PIP5K1B: variants seen among roughly 807,000 people sequenced by gnomAD.
PIP5K1B encodes phosphatidylinositol 4-phosphate 5-kinase type-1 beta.
PIP5K1B carries 42 observed loss-of-function variants against 67.0 expected under a neutral mutation model. That is an observed-to-expected ratio of 0.63 (90% CI 0.49 to 0.81). The LOEUF (loss-of-function observed/expected upper bound fraction) is 0.81. Ranked by LOEUF, PIP5K1B falls within the 30% of genes least tolerant of loss-of-function variation. The pLI is 0.00. For synonymous variants in PIP5K1B, 214 were observed against 231.4 expected (o/e 0.92, Z 0.68); for missense variants, 459 against 646.3 (o/e 0.71, Z 3.14).
chr9:68,878,695 G>T (rs995629737), intron 6 of PIP5K1B, among the ~76,000 whole-genome samples: 1 of 152,158 alleles, frequency 6.6e-6, no homozygotes, highest in Non-Finnish European at 1.5e-5. Context: ...ATACTAATTT[G>T]TCTATGTAGA....
At chr9:68,925,658 C>T (rs1361209503) in intron 12 of PIP5K1B, among the ~76,000 whole-genome samples, 1 of 152,028 alleles carries the variant, frequency 6.6e-6, no homozygotes. Context: ...ATTTGACTCT[C>T]TCAGTGGTAT....
chr9:68,811,036 C>G (rs1833135711), intron 2 of PIP5K1B, among the ~76,000 whole-genome samples: 1 of 152,170 alleles, frequency 6.6e-6, no homozygotes. Context: ...CCAGGAAAAT[C>G]ATCCCAAGTC....
chr9:68,940,001 T>C (rs778163256), intron 13 of PIP5K1B, among the ~76,000 whole-genome samples: 6 of 152,212 alleles, frequency 3.9e-5, no homozygotes, highest in Non-Finnish European at 5.9e-5. Flanking sequence ...CTCACAAGGA[T>C]GGGCTCTCGC....
intron 4 of PIP5K1B, among the ~76,000 whole-genome samples, chr9:68,830,268 T>C (rs1474651192): frequency 2.6e-5 from 4 of 152,158 alleles, no homozygotes; most frequent in Admixed American, 6.5e-5. Context: ...CACGTTACCA[T>C]GCACCCCCCG....
At chr9:68,925,729 A>G (rs1200922851) in intron 12 of PIP5K1B, among the ~76,000 whole-genome samples, 1 of 151,212 alleles carries the variant, frequency 6.6e-6, no homozygotes, top group Non-Finnish European at 1.5e-5. Flanking sequence ...TCTTTGGCCT[A>G]AAATAGACTA....
At chr9:68,948,301 C>T (rs1207831383) in intron 14 of PIP5K1B, among the ~76,000 whole-genome samples, 2 of 152,306 alleles carry the variant, frequency 1.3e-5, no homozygotes, top group East Asian at 1.9e-4. Context: ...AGTGGTGTCA[C>T]ATCTCTCTCC....
intron 2 of PIP5K1B, among the ~76,000 whole-genome samples, chr9:68,774,115 T>C (rs1358213401): frequency 6.6e-6 from 1 of 152,052 alleles, no homozygotes; most frequent in East Asian, 1.9e-4. Flanking sequence ...TAAAAGGCAA[T>C]AAAATGGGCT....
At chr9:68,834,248 G>A (rs1431242806) in intron 4 of PIP5K1B, among the ~76,000 whole-genome samples, 2 of 152,120 alleles carry the variant, frequency 1.3e-5, no homozygotes, top group East Asian at 1.9e-4. Flanking sequence ...ACCTAACTGC[G>A]GCCGCACTGA....
chr9:68,970,599 T>C (rs1347262390), intron 14 of PIP5K1B, among the ~76,000 whole-genome samples: 2 of 152,266 alleles, frequency 1.3e-5, no homozygotes, highest in African/African-American at 4.8e-5. Context: ...TCGTATTCCA[T>C]ACACGATGGT....
Position 68,705,587 on chromosome 9 carries a change from C to A in PIP5K1B, c.-418C>A, listed in dbSNP as rs1048860162. ...CGGCACCTGCCCGCCCTCAGCGTTG[C>A]CCCCGGCCCCGGCCCCGCCCGCCGC... On this transcript the variant is annotated 5_prime_UTR_variant, in exon 1 of 16. Coordinates refer to ENST00000265382, the MANE Select transcript of PIP5K1B (RefSeq NM_003558.4). The A allele has an allele frequency of 7.9e-6, 1 of 127,006 alleles. No homozygotes were observed. The highest frequency in any genetic ancestry group is 2.5e-4 in the East Asian group (1 of 3,922). 7.9% of individuals were successfully genotyped at this position (127,006 alleles called of 1,614,324 possible).
At chr9:68,897,147 C>T (rs1440202371) in intron 8 of PIP5K1B, among the ~76,000 whole-genome samples, 1 of 152,196 alleles carries the variant, frequency 6.6e-6, no homozygotes, top group African/African-American at 2.4e-5. Flanking sequence ...GAGCTGAGGC[C>T]AGCACCTATC....
chr9:68,909,406 T>TAA lies in PIP5K1B; in HGVS notation c.772-8129_772-8128dup, dbSNP rs552812093. Among the ~76,000 whole-genome samples the TAA allele has an allele frequency of 1.2e-4, 17 of 140,238 alleles. No homozygotes were observed. In the East Asian group the frequency reaches 1.7e-3, roughly 14 times the overall value. 92.0% of individuals were successfully genotyped at this position (140,238 alleles called of 152,430 possible). On this transcript the variant is annotated intron_variant, in intron 8 of 15. Coordinates refer to ENST00000265382, the MANE Select transcript of PIP5K1B (RefSeq NM_003558.4). ...GAATCCCTAAAAGCTAAGGACTCTT[T>TAA]AAAAAAAAAAAAAACTACAATACCA... is the stretch of plus-strand genomic sequence containing the variant.
intron 8 of PIP5K1B, among the ~76,000 whole-genome samples, chr9:68,912,831 C>G (rs542592625): frequency 6.6e-6 from 1 of 152,272 alleles, no homozygotes; most frequent in East Asian, 1.9e-4. Context: ...AAAAGGAGGA[C>G]CAGCTGCTCT....
intron 14 of PIP5K1B, among the ~76,000 whole-genome samples, chr9:68,981,339 C>T (rs1451263856): frequency 2.0e-5 from 3 of 152,086 alleles, no homozygotes; most frequent in Admixed American, 6.6e-5. Flanking sequence ...AAATGTCCCT[C>T]ATAGTGAATC....
At chr9:68,764,074 C>CTTTTGTTTTTTTTTTT (rs1830313288) in intron 2 of PIP5K1B, among the ~76,000 whole-genome samples, 1 of 73,516 alleles carries the variant, frequency 1.4e-5, no homozygotes, top group African/African-American at 5.4e-5. Context: ...ACTATAACTT[C>CTTTTGTTTTTTTTTTT]TTTTTTTTTT....
rs781306895 is a variant in PIP5K1B, at chr9:68,876,708, T to C, written c.232T>C (p.Tyr78His). Residue 78 changes from tyrosine (Y) to histidine (H), a missense_variant, in exon 6 of 16, where the codon TAC becomes CAC. Tyr to His is a moderately conservative substitution (Grantham distance 83). Transcript: ENST00000265382. The stretch of plus-strand genomic sequence containing the variant: ...GAGCAATCTGACCCCAGCACATCAC[T>C]ACCCAGACTTTAGATTTAAGACATA... ...EGSNLTPAHH[Y>H]PDFRFKTYAP... 13 of 1,608,238 alleles carry C rather than the reference T, an allele frequency of 8.1e-6. No individual in the cohort carries two copies. Among genetic ancestry groups the C allele is most frequent in the African/African-American group, 1.3e-5 (1 of 74,922 alleles).
chr9:68,955,320 TTTTA>T (rs778611834), intron 14 of PIP5K1B, among the ~76,000 whole-genome samples: 1 of 152,256 alleles, frequency 6.6e-6, no homozygotes, highest in Non-Finnish European at 1.5e-5. Flanking sequence ...CATTGATCAC[TTTTA>T]TTTGTGTTTG....
chr9:68,854,291 G>C (rs905412811), intron 4 of PIP5K1B, among the ~76,000 whole-genome samples: 1 of 151,860 alleles, frequency 6.6e-6, no homozygotes, highest in African/African-American at 2.4e-5. Context: ...CACCATGCCT[G>C]ACCAATTTTT....
intron 4 of PIP5K1B, among the ~76,000 whole-genome samples, chr9:68,857,119 A>G (rs1414939039): frequency 1.3e-5 from 2 of 151,722 alleles, no homozygotes; most frequent in Admixed American, 1.3e-4. Context: ...ATGCGGGTGG[A>G]CTCTAGGAAC....
Sources: allele counts gnomAD v4.1 joint callset (sites outside exome capture counted in the v4.1 genomes callset), GRCh38; gene constraint gnomAD v4.1.1; transcripts MANE v1.5; gene names NCBI Gene and HGNC (gene_info 2026-07-23, HGNC 2026-07-21).